PTPN12: variants seen among roughly 807,000 people sequenced by gnomAD.
PTPN12 encodes tyrosine-protein phosphatase non-receptor type 12.
In PTPN12, 29 loss-of-function variants were observed where a neutral mutation model predicts 97.6. That is an observed-to-expected ratio of 0.30 (90% CI 0.22 to 0.41). PTPN12 has a LOEUF of 0.41. Among genes scored for constraint, PTPN12 ranks in the 10% least tolerant of loss-of-function variants. The probability of loss-of-function intolerance (pLI) is 1.00; values close to 1 mark genes in which losing one functional copy is unlikely to be tolerated. For missense variants in PTPN12, 819 were observed against 926.0 expected, an observed-to-expected ratio of 0.88 and a Z score of 1.50; for synonymous variants, 327 against 300.4, an observed-to-expected ratio of 1.09 and a Z score of -0.91.
Position 77,582,084 on chromosome 7 carries a change from CTTTTTTTTTTTTT to C in PTPN12, c.285+597_285+609del, listed in dbSNP as rs11341609. Reference sequence around the variant, plus strand: ...CCCTTTGATGAAAAGCAGTCAAGTTCTTTTTTTTTTTTTTTTTTTTTTTTTTTTGAGACGGAGT... The same window carrying C: ...CCCTTTGATGAAAAGCAGTCAAGTTCTTTTTTTTTTTTTTTGAGACGGAGT... On this transcript the variant is annotated intron_variant, in intron 3 of 17. Transcript: ENST00000248594. 2.6e-4 allele frequency among the ~76,000 whole-genome samples: 14 copies of C among 52,868 alleles called. 1 individual carries two copies. The highest frequency in any genetic ancestry group is 1.1e-3 in the South Asian group (1 of 944). 34.7% of individuals were successfully genotyped at this position (52,868 alleles called of 152,430 possible). A position where few individuals can be genotyped will look rare whatever the true frequency, so the allele number is the denominator to read the frequency against.
At chr7:77,597,787 T>C (rs1340028645) in intron 6 of PTPN12, 55 bp from the exon 7 acceptor site, 1 of 1,569,620 alleles carries the variant, frequency 6.4e-7, no homozygotes, top group Non-Finnish European at 8.6e-7. Context: ...TTTGTTTTGA[T>C]GTGTCTTTTT....
chr7:77,635,642 T>C (rs573150246), intron 14 of PTPN12, 140 bp from the exon 15 acceptor site: 6 of 478,766 alleles, frequency 1.3e-5, no homozygotes, highest in Non-Finnish European at 1.5e-5. Flanking sequence ...ACTTCAGAAA[T>C]ATGCTTACCC....
intron 1 of PTPN12, among the ~76,000 whole-genome samples, chr7:77,550,748 G>C (rs1164006521): frequency 6.6e-6 from 1 of 152,194 alleles, no homozygotes; most frequent in African/African-American, 2.4e-5. Context: ...TTTCTTGGAT[G>C]TTTTTCTGCT....
Position 77,603,192 on chromosome 7 carries a change from A to T in PTPN12, c.695+2386A>T, listed in dbSNP as rs117454368. 4.6e-5 allele frequency among the ~76,000 whole-genome samples: 7 copies of T among 152,358 alleles called. No homozygotes were observed. The East Asian group carries it at 1.3e-3, about 29-fold the overall frequency. ...CAGTTAAAAATAAACAATATGTTTA[A>T]TTATAGAATTAAAAGATAAAGAAAT... On this transcript the variant is annotated intron_variant, in intron 8 of 17. Coordinates refer to ENST00000248594, the MANE Select transcript of PTPN12 (RefSeq NM_002835.4).
At position 77,627,687 on chromosome 7, in the gene PTPN12, G is replaced by A; in HGVS notation, c.1996+12G>A. Reference sequence around the variant, plus strand: ...AGGTGCTGAAAAAGGTAATAATATAGTGTCAAATACTTAAATGTCTTTCCT... The same window carrying A: ...AGGTGCTGAAAAAGGTAATAATATAATGTCAAATACTTAAATGTCTTTCCT... On this transcript the variant is annotated intron_variant, in intron 13 of 17. Transcript: ENST00000248594. 4 of 1,538,978 alleles carry A rather than the reference G, an allele frequency of 2.6e-6. No homozygotes were observed. Among genetic ancestry groups the A allele is most frequent in the East Asian group, 2.3e-5 (1 of 44,128 alleles).
Position 77,537,613 on chromosome 7 carries a change from A to C in PTPN12, c.67A>C (p.Asn23His). Residue 23 changes from asparagine (N) to histidine (H), a missense_variant, in exon 1 of 18, where the codon AAT becomes CAT. Coordinates refer to ENST00000248594, the MANE Select transcript of PTPN12 (RefSeq NM_002835.4). ...CCAGGCCATGAAGAGTCCTGACCAC[A>C]ATGGGGAGGACAACTTCGCCCGGGA... ...RVQAMKSPDH[N>H]GEDNFARDFM... The C allele has an allele frequency of 1.9e-6, 3 of 1,604,084 alleles. No homozygotes were observed.
At chr7:77,556,784 C>T (rs529746783) in intron 1 of PTPN12, among the ~76,000 whole-genome samples, 11 of 152,016 alleles carry the variant, frequency 7.2e-5, no homozygotes, top group African/African-American at 1.2e-4. Context: ...GATCCGAGAC[C>T]GCACCACTGC....
At position 77,607,296 on chromosome 7, in the gene PTPN12, G is replaced by T. The variant is rs1317348184; in HGVS notation, c.757G>T (p.Ala253Ser). 4 of 1,606,170 alleles carry T rather than the reference G, an allele frequency of 2.5e-6. No individual in the cohort carries two copies. The highest frequency in any genetic ancestry group is 3.4e-6 in the Non-Finnish European group (4 of 1,173,566). ...AIDYTWNLLKAGKIPEEFNVF... is the reference protein window; with the variant it reads ...AIDYTWNLLKSGKIPEEFNVF... ...AGATTATACGTGGAATTTACTAAAA[G>T]CTGGGGTAAGAATAATTTTTTGTAG... Residue 253 changes from alanine to serine, a missense_variant, in exon 9 of 18, where the codon GCT becomes TCT. Physicochemically the swap from Ala to Ser is moderately conservative, Grantham distance 99 (BLOSUM62 1). Transcript: ENST00000248594.
intron 11 of PTPN12, among the ~76,000 whole-genome samples, chr7:77,612,715 G>A (rs763799317): frequency 3.9e-5 from 6 of 152,006 alleles, no homozygotes; most frequent in Non-Finnish European, 8.8e-5. Context: ...AGGATTACAG[G>A]CATGAGCCAC....
At chr7:77,554,772 T>C (rs1464971444) in intron 1 of PTPN12, among the ~76,000 whole-genome samples, 1 of 152,218 alleles carries the variant, frequency 6.6e-6, no homozygotes, top group Non-Finnish European at 1.5e-5. Context: ...CTTGACCTGC[T>C]GGGCTCAACC....
At chr7:77,639,157 GT>G in intron 17 of PTPN12, 61 bp from the exon 18 acceptor site, 1 of 1,308,110 alleles carries the variant, frequency 7.6e-7, no homozygotes. Context: ...TGTGGACATG[GT>G]TTTTAGTAGT....
intron 1 of PTPN12, among the ~76,000 whole-genome samples, chr7:77,549,295 C>T (rs1219804657): frequency 6.6e-6 from 1 of 152,094 alleles, no homozygotes; most frequent in African/African-American, 2.4e-5. Context: ...AAGGTTTCAG[C>T]TCCATATGAA....
intron 13 of PTPN12, among the ~76,000 whole-genome samples, chr7:77,628,594 AT>A (rs943130954): frequency 2.7e-5 from 4 of 147,494 alleles, no homozygotes; most frequent in African/African-American, 5.0e-5. Flanking sequence ...CACTCAAAAG[AT>A]TTTTTTTTTG....
chr7:77,550,726 C>CT (rs1299945615), intron 1 of PTPN12, among the ~76,000 whole-genome samples: 1 of 152,198 alleles, frequency 6.6e-6, no homozygotes. Context: ...TAGAAAAGGA[C>CT]TCTGGTGACG....
At chr7:77,623,580 G>A (rs180947006) in intron 12 of PTPN12, among the ~76,000 whole-genome samples, 4 of 152,308 alleles carry the variant, frequency 2.6e-5, no homozygotes, top group Admixed American at 6.5e-5. Flanking sequence ...GCGTCATGGC[G>A]CGTGCCTATA....
At chr7:77,596,585 A>AT (rs1266528045) in intron 6 of PTPN12, among the ~76,000 whole-genome samples, 2 of 152,006 alleles carry the variant, frequency 1.3e-5, no homozygotes, top group Non-Finnish European at 2.9e-5. Context: ...TAGTTTTTGT[A>AT]TTTTTTTGTA....
At chr7:77,563,971 G>A (rs1808115361) in intron 1 of PTPN12, 1 of 438,144 alleles carries the variant, frequency 2.3e-6, no homozygotes, top group Non-Finnish European at 4.6e-6. Context: ...GTGCAGTGGT[G>A]TGATCTCGGC....
intron 1 of PTPN12, among the ~76,000 whole-genome samples, chr7:77,542,151 A>T (rs1584082554): frequency 2.6e-5 from 4 of 152,302 alleles, no homozygotes; most frequent in East Asian, 3.9e-4. Context: ...TTTGTGAAGG[A>T]TCTTACATCT....
intron 11 of PTPN12, among the ~76,000 whole-genome samples, chr7:77,612,770 G>GTT (rs201408368): frequency 6.0e-5 from 9 of 149,480 alleles, no homozygotes; most frequent in Admixed American, 3.3e-4. Flanking sequence ...TGTTTGATTG[G>GTT]TTTTTTTTGT....
Sources: allele counts gnomAD v4.1 joint callset (sites outside exome capture counted in the v4.1 genomes callset), GRCh38; gene constraint gnomAD v4.1.1; transcripts MANE v1.5; gene names NCBI Gene and HGNC (gene_info 2026-07-23, HGNC 2026-07-21).